The following LRRTM4 variants were observed in gnomAD, a reference collection of about 807,000 sequenced individuals.
LRRTM4 encodes the protein leucine rich repeat transmembrane neuronal 4.
In LRRTM4, 25 loss-of-function variants were observed where a neutral mutation model predicts 47.6. The ratio of observed to expected loss-of-function variants is 0.53; its 90% CI spans 0.38 to 0.73. The LOEUF (loss-of-function observed/expected upper bound fraction) is 0.73, where lower values mean the gene tolerates loss of function less well. Ranked by LOEUF, LRRTM4 falls within the 30% of genes least tolerant of loss-of-function variation. The pLI is 0.00. For missense variants in LRRTM4, 638 were observed against 713.4 expected (o/e 0.89, Z 1.20); for synonymous variants, 311 against 269.5 (o/e 1.15, Z -1.51).
intron 3 of LRRTM4, among the ~76,000 whole-genome samples, chr2:77,198,725 G>C (rs1673894177): frequency 2.0e-5 from 3 of 152,150 alleles, no homozygotes; most frequent in African/African-American, 7.2e-5. Context: ...CAAGCTGCTA[G>C]CTGGCCTTCA....
chr2:77,339,447 CAA>C (rs1344343358), intron 3 of LRRTM4, among the ~76,000 whole-genome samples: 2 of 151,788 alleles, frequency 1.3e-5, no homozygotes, highest in African/African-American at 4.8e-5. Flanking sequence ...ACAGTGAAAA[CAA>C]AGATTTTTCT....
chr2:76,958,011 AT>A lies in LRRTM4; in HGVS notation c.1552-209096del, dbSNP rs1675732818. Among the ~76,000 whole-genome samples the A allele has an allele frequency of 2.0e-5, 3 of 151,816 alleles. No individual in the cohort carries two copies. In the South Asian group the frequency reaches 6.2e-4, roughly 31 times the overall value. ...GTTATTTGTTCCAATTTTAGTTATT[AT>A]CAGCTGTAGGCCTTAAGTATTTTTG... On this transcript the variant is annotated intron_variant, in intron 3 of 3. Transcript: ENST00000409884.
chr2:77,008,103 G>C (rs1201118433), intron 3 of LRRTM4, among the ~76,000 whole-genome samples: 1 of 152,120 alleles, frequency 6.6e-6, no homozygotes. Context: ...GCTTATGTTT[G>C]GCCAGAGGCA....
intron 3 of LRRTM4, among the ~76,000 whole-genome samples, chr2:77,099,255 A>G (rs1212275845): frequency 2.6e-5 from 4 of 151,938 alleles, no homozygotes; most frequent in African/African-American, 9.7e-5. Flanking sequence ...TAACTGTACT[A>G]TGTTTTCATG....
chr2:76,750,418 A>G (rs969458434), intron 3 of LRRTM4, among the ~76,000 whole-genome samples: 6 of 152,206 alleles, frequency 3.9e-5, no homozygotes, highest in African/African-American at 1.4e-4. Context: ...TGTTTCTGTG[A>G]TACCACAGCA....
intron 3 of LRRTM4, among the ~76,000 whole-genome samples, chr2:77,192,566 T>G (rs564402247): frequency 6.6e-6 from 1 of 152,268 alleles, no homozygotes; most frequent in Admixed American, 6.5e-5. Flanking sequence ...TTTTAACCTT[T>G]TTTAAAGTAA....
chr2:77,162,718 G>A (rs1338029591), intron 3 of LRRTM4, among the ~76,000 whole-genome samples: 1 of 152,176 alleles, frequency 6.6e-6, no homozygotes, highest in Non-Finnish European at 1.5e-5. Flanking sequence ...AGGGTCTGGA[G>A]TGGACCTCCA....
At chr2:77,325,578 T>C (rs1442452694) in intron 3 of LRRTM4, among the ~76,000 whole-genome samples, 3 of 152,162 alleles carry the variant, frequency 2.0e-5, no homozygotes, top group Admixed American at 6.6e-5. Context: ...GATATGTAAT[T>C]GGCAGTGAGC....
At chr2:77,276,604 G>C (rs1573183108) in intron 3 of LRRTM4, among the ~76,000 whole-genome samples, 1 of 141,436 alleles carries the variant, frequency 7.1e-6, no homozygotes, top group Admixed American at 7.5e-5. Context: ...AATATTTGTT[G>C]GATTATTTTT....
chr2:77,351,468 G>C (rs1000594543), intron 3 of LRRTM4, among the ~76,000 whole-genome samples: 1 of 151,778 alleles, frequency 6.6e-6, no homozygotes, highest in Non-Finnish European at 1.5e-5. Flanking sequence ...CAGTAGGATA[G>C]TTGAAAACCT....
At chr2:77,496,023 C>T (rs1678350922) in intron 3 of LRRTM4, among the ~76,000 whole-genome samples, 3 of 151,948 alleles carry the variant, frequency 2.0e-5, no homozygotes, top group Non-Finnish European at 2.9e-5. Flanking sequence ...CCATTACTTA[C>T]ATCTTCCTTA....
At chr2:76,961,416 A>C (rs923179056) in intron 3 of LRRTM4, among the ~76,000 whole-genome samples, 1 of 150,776 alleles carries the variant, frequency 6.6e-6, no homozygotes, top group African/African-American at 2.4e-5. Flanking sequence ...AAAAAAAAAA[A>C]CTCATCGTCA....
chr2:76,758,136 G>T (rs138702348), intron 3 of LRRTM4, among the ~76,000 whole-genome samples: 43 of 152,236 alleles, frequency 2.8e-4, no homozygotes, highest in African/African-American at 9.4e-4. Flanking sequence ...TTAAGAACAT[G>T]CATCTTGCCT....
chr2:77,280,001 C>T (rs1034539787), intron 3 of LRRTM4, among the ~76,000 whole-genome samples: 4 of 151,974 alleles, frequency 2.6e-5, no homozygotes, highest in Non-Finnish European at 5.9e-5. Context: ...TCTCCAGAAC[C>T]TATGACCATG....
rs1401100640 is a variant in LRRTM4 at position 76,807,406 on chromosome 2, ACG to A, written c.1552-58492_1552-58491del. Among the ~76,000 whole-genome samples, 255 of 90,388 alleles carry A rather than the reference ACG, an allele frequency of 2.8e-3. 5 individuals carry two copies. The highest frequency in any genetic ancestry group is 0.012 in the African/African-American group (220 of 18,334). 59.3% of individuals were successfully genotyped at this position (90,388 alleles called of 152,430 possible). Reference sequence around the variant, plus strand: ...TTTATATATATATATATATGTATATACGTATATATATATATATACATATATAT... The same window carrying A: ...TTTATATATATATATATATGTATATATATATATATATATATACATATATAT... On this transcript the variant is annotated intron_variant, in intron 3 of 3. Transcript: ENST00000409884.
At chr2:77,337,262 G>A (rs981621536) in intron 3 of LRRTM4, among the ~76,000 whole-genome samples, 1 of 152,074 alleles carries the variant, frequency 6.6e-6, no homozygotes, top group Non-Finnish European at 1.5e-5. Context: ...TCATTGTTTG[G>A]AAGAATCAAG....
chr2:76,845,721 T>C (rs1474941770), intron 3 of LRRTM4, among the ~76,000 whole-genome samples: 1 of 152,190 alleles, frequency 6.6e-6, no homozygotes, highest in Non-Finnish European at 1.5e-5. Context: ...AAAATGGCTA[T>C]TTATAAATGT....
At chr2:77,184,660 C>T (rs897603694) in intron 3 of LRRTM4, among the ~76,000 whole-genome samples, 10 of 152,164 alleles carry the variant, frequency 6.6e-5, no homozygotes, top group African/African-American at 2.2e-4. Context: ...TTACTCTATT[C>T]GCCTCTGATC....
intron 3 of LRRTM4, among the ~76,000 whole-genome samples, chr2:77,457,174 A>C (rs1003798120): frequency 6.6e-6 from 1 of 150,942 alleles, no homozygotes; most frequent in Non-Finnish European, 1.5e-5. Flanking sequence ...CCCCAATCCT[A>C]GTCATTTCCC....
Sources: gnomAD v4.1 joint callset for allele counts (sites outside exome capture counted in the v4.1 genomes callset) on GRCh38, gnomAD v4.1.1 for gene constraint, MANE v1.5 for transcripts, NCBI Gene and HGNC (gene_info 2026-07-23, HGNC 2026-07-21) for gene names.